The following PTPRQ variants were observed in gnomAD, a reference collection of about 807,000 sequenced individuals.
PTPRQ encodes protein tyrosine phosphatase receptor type Q, also known as phosphatidylinositol phosphatase PTPRQ.
PTPRQ carries 199 observed loss-of-function variants against 246.0 expected under a neutral mutation model. That is an observed-to-expected ratio of 0.81 (90% confidence interval 0.72 to 0.91). PTPRQ has a LOEUF of 0.91. Among genes scored for constraint, PTPRQ ranks in the 40% least tolerant of loss-of-function variants. The probability of loss-of-function intolerance (pLI) is 0.00; values close to 1 mark genes in which losing one functional copy is unlikely to be tolerated. For missense variants in PTPRQ, 2,624 were observed against 2,528.4 expected, an observed-to-expected ratio of 1.04 and a Z score of -0.81; for synonymous variants, 869 against 853.2, an observed-to-expected ratio of 1.02 and a Z score of -0.32.
chr12:80,554,726 A>G (rs976090756), intron 25 of PTPRQ, among the ~76,000 whole-genome samples: 5 of 152,100 alleles, frequency 3.3e-5, no homozygotes, highest in African/African-American at 4.8e-5. Flanking sequence ...CATGTATTCA[A>G]TTTAATTATC....
intron 25 of PTPRQ, among the ~76,000 whole-genome samples, chr12:80,580,716 T>C (rs1286937403): frequency 1.3e-5 from 2 of 152,198 alleles, no homozygotes; most frequent in African/African-American, 4.8e-5. Context: ...TGAGTGAAAA[T>C]GTGGACTAGA....
chr12:80,493,197 T>A, intron 9 of PTPRQ, 78 bp from the exon 10 acceptor site: 7 of 1,332,238 alleles, frequency 5.3e-6, no homozygotes, highest in Non-Finnish European at 6.8e-6. Context: ...AAGTTATAGG[T>A]TTTTTAGAAC....
intron 39 of PTPRQ, among the ~76,000 whole-genome samples, chr12:80,666,984 G>C (rs1183074756): frequency 1.3e-5 from 2 of 151,912 alleles, no homozygotes; most frequent in African/African-American, 4.8e-5. Context: ...GGAAGCCCAC[G>C]TGAAACTGTT....
chr12:80,529,488 C>G (rs1436932200), intron 17 of PTPRQ, among the ~76,000 whole-genome samples: 3 of 152,090 alleles, frequency 2.0e-5, no homozygotes, highest in Non-Finnish European at 4.4e-5. Flanking sequence ...GAACCATACA[C>G]ATTTATACTT....
intron 14 of PTPRQ, among the ~76,000 whole-genome samples, chr12:80,496,956 A>G (rs1894646912): frequency 1.3e-5 from 2 of 151,906 alleles, no homozygotes; most frequent in South Asian, 4.2e-4. Flanking sequence ...GAGAAGACTT[A>G]TGGAGGAGAC....
intron 9 of PTPRQ, among the ~76,000 whole-genome samples, chr12:80,489,033 A>G (rs1894366386): frequency 1.3e-5 from 2 of 152,022 alleles, no homozygotes; most frequent in Admixed American, 1.3e-4. Flanking sequence ...TACCACTGCA[A>G]AAGTAGCTCC....
intron 38 of PTPRQ, 37 bp from the exon 39 acceptor site, chr12:80,657,948 A>C (rs1041680833): frequency 7.5e-7 from 1 of 1,334,668 alleles, no homozygotes; most frequent in East Asian, 2.9e-5. Flanking sequence ...ACAATTTAAA[A>C]AGCCAATTAA....
At chr12:80,647,607 G>T (rs1252782673) in intron 35 of PTPRQ, among the ~76,000 whole-genome samples, 1 of 152,100 alleles carries the variant, frequency 6.6e-6, no homozygotes, top group Non-Finnish European at 1.5e-5. Flanking sequence ...GATATTTCCA[G>T]GGCCTCCAAT....
chr12:80,643,679 A>T (rs1899972563), intron 35 of PTPRQ, among the ~76,000 whole-genome samples: 1 of 152,200 alleles, frequency 6.6e-6, no homozygotes, highest in East Asian at 1.9e-4. Context: ...GGAAATAACA[A>T]AAATTAAGGC....
intron 33 of PTPRQ, among the ~76,000 whole-genome samples, chr12:80,629,949 G>A (rs1899359228): frequency 6.6e-6 from 1 of 152,096 alleles, no homozygotes; most frequent in Non-Finnish European, 1.5e-5. Context: ...GTTTTATTTA[G>A]ACATTGTTCA....
intron 42 of PTPRQ, among the ~76,000 whole-genome samples, chr12:80,671,662 C>T (rs1900974229): frequency 6.6e-6 from 1 of 152,098 alleles, no homozygotes; most frequent in Admixed American, 6.6e-5. Flanking sequence ...GCTTCCAATT[C>T]AACTTGACAG....
At chr12:80,480,001 C>T (rs1464211610) in intron 8 of PTPRQ, among the ~76,000 whole-genome samples, 2 of 152,050 alleles carry the variant, frequency 1.3e-5, no homozygotes, top group African/African-American at 4.8e-5. Context: ...AGGAATTGAA[C>T]TCAGCTCTGC....
chr12:80,643,650 A>G (rs1044613234), intron 35 of PTPRQ, among the ~76,000 whole-genome samples: 2 of 152,060 alleles, frequency 1.3e-5, no homozygotes, highest in Non-Finnish European at 2.9e-5. Flanking sequence ...GTGAAAGAAC[A>G]AAATAAAGAA....
rs767425598 is a variant in PTPRQ, at chr12:80,445,552, T to C, written c.225T>C (p.Ser75=). 6.5e-7 allele frequency: 1 copy of C among 1,549,868 alleles called. No individual in the cohort carries two copies. The highest frequency in any genetic ancestry group is 8.7e-7 in the Non-Finnish European group (1 of 1,145,940). The change falls in exon 3 of 45, where the codon TCT becomes TCC. Residue 75 remains serine (S), a synonymous_variant. Coordinates refer to ENST00000644991, the MANE Select transcript of PTPRQ (RefSeq NM_001145026.2). ...ERVGSAGILL[S]WNTPPNPNGR... ...TCGGATCTGCTGGGATTCTTCTGTC[T>C]TGGAATACACCACCTAATCCAAATG...
rs770544715 is a variant in PTPRQ, at chr12:80,444,235, G to T, written c.-111G>T. On this transcript the variant is annotated 5_prime_UTR_variant, in exon 1 of 45. Coordinates refer to ENST00000644991, the MANE Select transcript of PTPRQ (RefSeq NM_001145026.2). Reference sequence around the variant, plus strand: ...AAGGCAGAGCTATTGAGTAATATGGGCTCATTAATTGTGTACTTGCCAGAA... The same window carrying T: ...AAGGCAGAGCTATTGAGTAATATGGTCTCATTAATTGTGTACTTGCCAGAA... 1.4e-4 allele frequency: 87 copies of T among 636,778 alleles called. No individual in the cohort carries two copies. The highest frequency in any genetic ancestry group is 2.2e-4 in the Non-Finnish European group (80 of 357,076). The allele number at this position is 636,778 out of a possible 1,614,324, so 39.4% of individuals were successfully genotyped here. A position where few individuals can be genotyped will look rare whatever the true frequency, so the allele number is the denominator to read the frequency against.
chr12:80,646,476 C>A (rs1354634900), intron 35 of PTPRQ, among the ~76,000 whole-genome samples: 1 of 144,976 alleles, frequency 6.9e-6, no homozygotes, highest in Non-Finnish European at 1.5e-5. Flanking sequence ...TCTTTATTAT[C>A]CCCCTTGAGG....
intron 25 of PTPRQ, among the ~76,000 whole-genome samples, chr12:80,560,766 T>G (rs1896799400): frequency 6.6e-6 from 1 of 152,214 alleles, no homozygotes; most frequent in Non-Finnish European, 1.5e-5. Flanking sequence ...GCTCCAGCTG[T>G]TTTTTTCTTT....
chr12:80,466,611 A>G (rs1592540666), intron 6 of PTPRQ, among the ~76,000 whole-genome samples: 1 of 152,224 alleles, frequency 6.6e-6, no homozygotes, highest in East Asian at 1.9e-4. Flanking sequence ...AAACTATACT[A>G]CAAGGCTACA....
At chr12:80,605,975 C>CA (rs1346764097) in intron 27 of PTPRQ, among the ~76,000 whole-genome samples, 1 of 150,982 alleles carries the variant, frequency 6.6e-6, no homozygotes, top group Non-Finnish European at 1.5e-5. Flanking sequence ...GGAAAAAGAA[C>CA]AGAGGAAATG....
Sources: allele counts gnomAD v4.1 joint callset (sites outside exome capture counted in the v4.1 genomes callset), GRCh38; gene constraint gnomAD v4.1.1; transcripts MANE v1.5; gene names NCBI Gene and HGNC (gene_info 2026-07-23, HGNC 2026-07-21).